CSNK1G1: variants seen among roughly 807,000 people sequenced by gnomAD.
The protein encoded by CSNK1G1 is casein kinase 1 gamma 1.
A neutral mutation model predicts 59.6 loss-of-function variants in CSNK1G1; 22 were observed. The observed-to-expected ratio is 0.37, with a 90% CI of 0.26 to 0.53. The LOEUF (loss-of-function observed/expected upper bound fraction) is 0.53, where lower values mean the gene tolerates loss of function less well. Among genes scored for constraint, CSNK1G1 ranks in the 20% least tolerant of loss-of-function variants. CSNK1G1 has a pLI of 0.89. For synonymous variants in CSNK1G1, 179 were observed against 177.1 expected, an observed-to-expected ratio of 1.01 and a Z score of -0.08; for missense variants, 384 against 519.5, an observed-to-expected ratio of 0.74 and a Z score of 2.54.
chr15:64,319,343 A>G (rs983967363), intron 1 of CSNK1G1, among the ~76,000 whole-genome samples: 3 of 152,054 alleles, frequency 2.0e-5, no homozygotes, highest in African/African-American at 7.2e-5. Context: ...GTCAAATTAC[A>G]TGTATTACTA....
chr15:64,265,425 A>G (rs536447934), intron 2 of CSNK1G1, among the ~76,000 whole-genome samples: 1 of 152,310 alleles, frequency 6.6e-6, no homozygotes, highest in South Asian at 2.1e-4. Flanking sequence ...AAGTCTCACA[A>G]GATCTGATGG....
chr15:64,203,307 G>T, intron 9 of CSNK1G1, 118 bp from the exon 10 acceptor site: 1 of 717,500 alleles, frequency 1.4e-6, no homozygotes, highest in Non-Finnish European at 2.5e-6. Context: ...GCTACCAAGA[G>T]CACTTTCAAG....
chr15:64,212,584 C>T (rs1156536949), intron 6 of CSNK1G1, among the ~76,000 whole-genome samples: 1 of 152,194 alleles, frequency 6.6e-6, no homozygotes, highest in African/African-American at 2.4e-5. Context: ...GGCATGATGG[C>T]ATGCGCCTGT....
rs933081101 is a variant in CSNK1G1 at position 64,216,924 on chromosome 15, G to C, written c.293-211C>G. Among the ~76,000 whole-genome samples, 2 of 152,304 alleles carry C rather than the reference G, an allele frequency of 1.3e-5. No individual in the cohort carries two copies. Among genetic ancestry groups the C allele is most frequent in the East Asian group, 3.9e-4 (2 of 5,192 alleles). On this transcript the variant is annotated intron_variant, in intron 4 of 11. Transcript: ENST00000303052. This position sits in a 1 kb window ranked among gnomAD's most constrained non-coding sequence, Gnocchi z 4.6. ...GAAAGGCTAAGTCATTGCACAATAC[G>C]TTCAAATGAGTAGTTATTTAATACC...
At chr15:64,238,710 T>C (rs1887637706) in intron 4 of CSNK1G1, among the ~76,000 whole-genome samples, 1 of 151,374 alleles carries the variant, frequency 6.6e-6, no homozygotes, top group South Asian at 2.1e-4. Flanking sequence ...ATGGCGTGTA[T>C]TCTGAATTCA....
intron 4 of CSNK1G1, among the ~76,000 whole-genome samples, chr15:64,229,815 T>C (rs2082518422): frequency 6.8e-6 from 1 of 146,158 alleles, no homozygotes; most frequent in Non-Finnish European, 1.5e-5. Context: ...GGGATTCTAC[T>C]CTTGGCAAAT....
intron 2 of CSNK1G1, among the ~76,000 whole-genome samples, chr15:64,267,256 C>CAAAAAAAAAAAAAAA (rs199581105): frequency 1.6e-5 from 1 of 61,820 alleles, no homozygotes; most frequent in African/African-American, 4.8e-5. Context: ...GACCTTATCT[C>CAAAAAAAAAAAAAAA]AAAAAAAAAA....
At chr15:64,270,464 A>G (rs945582194) in intron 2 of CSNK1G1, among the ~76,000 whole-genome samples, 2 of 152,080 alleles carry the variant, frequency 1.3e-5, no homozygotes, top group African/African-American at 4.8e-5. Flanking sequence ...CCCTATTAAC[A>G]CTATCTGAGC....
At chr15:64,201,019 C>T (rs937454420) in intron 10 of CSNK1G1, among the ~76,000 whole-genome samples, 13 of 152,072 alleles carry the variant, frequency 8.5e-5, no homozygotes, top group Admixed American at 3.3e-4. Context: ...CGCCTGTAAT[C>T]CCAGTACTTT....
intron 1 of CSNK1G1, among the ~76,000 whole-genome samples, chr15:64,344,805 C>G (rs1301781362): frequency 6.6e-6 from 1 of 152,138 alleles, no homozygotes; most frequent in Non-Finnish European, 1.5e-5. Flanking sequence ...GTAGTCTCAG[C>G]TGTAAAATGA....
chr15:64,352,863 C>T (rs1055261251), intron 1 of CSNK1G1, among the ~76,000 whole-genome samples: 8 of 150,766 alleles, frequency 5.3e-5, no homozygotes, highest in African/African-American at 9.7e-5. Flanking sequence ...CCAAAGCTGG[C>T]GGATCACTTG....
Position 64,175,182 on chromosome 15 carries a change from C to G in CSNK1G1, c.1215-3197G>C, listed in dbSNP as rs927473907. Among the ~76,000 whole-genome samples the G allele has an allele frequency of 2.8e-4, 42 of 152,188 alleles. 1 individual carries two copies. The highest frequency in any genetic ancestry group is 1.0e-3 in the African/African-American group (42 of 41,508). On this transcript the variant is annotated intron_variant, in intron 11 of 11. Coordinates refer to ENST00000303052, the MANE Select transcript of CSNK1G1 (RefSeq NM_022048.5). Reference sequence around the variant, plus strand: ...ATAGCCAAAGGTATTCTTTGATCCCCTAAGACTATAAATCTGACCTCCACA... The same window carrying G: ...ATAGCCAAAGGTATTCTTTGATCCCGTAAGACTATAAATCTGACCTCCACA...
intron 4 of CSNK1G1, among the ~76,000 whole-genome samples, chr15:64,247,579 T>TA (rs1250164369): frequency 2.0e-4 from 30 of 152,302 alleles, no homozygotes; most frequent in African/African-American, 7.0e-4. Flanking sequence ...GAGAAAGAGT[T>TA]AGAGATCACA....
chr15:64,263,959 T>C (rs1892845211), intron 2 of CSNK1G1, among the ~76,000 whole-genome samples: 1 of 152,024 alleles, frequency 6.6e-6, no homozygotes, highest in South Asian at 2.1e-4. Context: ...CGGCAGTAAA[T>C]TTCCAGAGGA....
chr15:64,259,387 A>G, intron 2 of CSNK1G1, 146 bp from the exon 3 acceptor site: 2 of 605,292 alleles, frequency 3.3e-6, no homozygotes, highest in Non-Finnish European at 5.7e-6. Context: ...GAAAAGCTAC[A>G]GAGATAATGA....
At chr15:64,189,464 G>C in intron 10 of CSNK1G1, 4 of 1,284,052 alleles carry the variant, frequency 3.1e-6, no homozygotes, top group Non-Finnish European at 4.1e-6. Flanking sequence ...ATGCTCAGCT[G>C]TAACAGTCCT....
chr15:64,259,545 C>G (rs894309531), intron 2 of CSNK1G1, among the ~76,000 whole-genome samples: 1 of 150,238 alleles, frequency 6.7e-6, no homozygotes, highest in African/African-American at 2.5e-5. Flanking sequence ...TTAATATTTC[C>G]CAACTATTAA....
At position 64,171,853 on chromosome 15, in the gene CSNK1G1, T is replaced by A; in HGVS notation, c.*78A>T. The A allele has an allele frequency of 4.0e-6, 5 of 1,236,110 alleles. No homozygotes were observed. In the South Asian group the frequency reaches 6.0e-5, roughly 15 times the overall value. The allele number at this position is 1,236,110 out of a possible 1,614,324, so 76.6% of individuals were successfully genotyped here. ...CACCCTCCCCCAAAGAGGAGTCCCTTCCAATGAGAAATGGCAGGAGCTGCA... is the reference window on the plus strand; with the variant it reads ...CACCCTCCCCCAAAGAGGAGTCCCTACCAATGAGAAATGGCAGGAGCTGCA... On this transcript the variant is annotated 3_prime_UTR_variant, in exon 12 of 12. Transcript: ENST00000303052. The surrounding 1 kb of genome is among the most constrained non-coding windows in gnomAD (Gnocchi z 4.8).
At position 64,188,572 on chromosome 15, in the gene CSNK1G1, G is replaced by T; in HGVS notation, c.1108-8118C>A. 1.1e-6 allele frequency: 1 copy of T among 943,272 alleles called. No individual in the cohort carries two copies. Among genetic ancestry groups the T allele is most frequent in the Non-Finnish European group, 1.6e-6 (1 of 628,712 alleles). The allele number at this position is 943,272 out of a possible 1,614,324, so 58.4% of individuals were successfully genotyped here. ...CAATAACAAAATCAAGTACATTCGT[G>T]TCCCTGTAGGTTTTTCTTTCGGTTT... is the stretch of plus-strand genomic sequence containing the variant. On this transcript the variant is annotated intron_variant, in intron 10 of 11. Coordinates refer to ENST00000303052, the MANE Select transcript of CSNK1G1 (RefSeq NM_022048.5). This position sits in a 1 kb window ranked among gnomAD's most constrained non-coding sequence, Gnocchi z 4.2.
Sources: gnomAD v4.1 joint callset for allele counts (sites outside exome capture counted in the v4.1 genomes callset) on GRCh38, gnomAD v4.1.1 for gene constraint, Gnocchi (gnomAD v3.1) non-coding constraint, MANE v1.5 for transcripts, NCBI Gene and HGNC (gene_info 2026-07-23, HGNC 2026-07-21) for gene names.